GTPBP1: variants seen among roughly 807,000 people sequenced by gnomAD.
GTPBP1 encodes GTP binding protein 1, also known as GTP-binding protein 1.
GTPBP1 carries 23 observed loss-of-function variants against 62.0 expected under a neutral mutation model. The ratio of observed to expected loss-of-function variants is 0.37; its 90% confidence interval spans 0.27 to 0.53. The LOEUF is 0.53. Ranked by LOEUF, GTPBP1 falls within the 20% of genes least tolerant of loss-of-function variation. GTPBP1 has a pLI of 0.89. For synonymous variants in GTPBP1, 344 were observed against 364.4 expected, an observed-to-expected ratio of 0.94 and a Z score of 0.64; for missense variants, 640 against 917.3, an observed-to-expected ratio of 0.70 and a Z score of 3.90.
chr22:38,732,017 G>A lies in GTPBP1; in HGVS notation c.*1313G>A, dbSNP rs756343964. 2.0e-5 allele frequency: 3 copies of A among 152,738 alleles called. No individual in the cohort carries two copies. The highest frequency in any genetic ancestry group is 4.4e-5 in the Non-Finnish European group (3 of 68,424). The allele number at this position is 152,738 out of a possible 1,614,324, so 9.5% of individuals were successfully genotyped here. On this transcript the variant is annotated 3_prime_UTR_variant, in exon 12 of 12. Coordinates refer to ENST00000216044, the MANE Select transcript of GTPBP1 (RefSeq NM_004286.5). ...GCACTGAAGCCACAGATGGAGGGTAGGCTGGTGGGTGGGGGTGGTTCGTTC... is the reference window on the plus strand; with the variant it reads ...GCACTGAAGCCACAGATGGAGGGTAAGCTGGTGGGTGGGGGTGGTTCGTTC...
chr22:38,712,557 T>C (rs2092645938), intron 2 of GTPBP1, among the ~76,000 whole-genome samples: 1 of 152,130 alleles, frequency 6.6e-6, no homozygotes, highest in African/African-American at 2.4e-5. Context: ...GCCGGCAGGA[T>C]GGAAATCTGA....
chr22:38,727,445 T>G lies in GTPBP1; in HGVS notation c.1537+97T>G, dbSNP rs1014936737. The G allele has an allele frequency of 3.3e-6, 4 of 1,208,900 alleles. No homozygotes were observed. Among genetic ancestry groups the G allele is most frequent in the South Asian group, 1.6e-5 (1 of 61,750 alleles). The allele number at this position is 1,208,900 out of a possible 1,614,324, so 74.9% of individuals were successfully genotyped here. On this transcript the variant is annotated intron_variant, in intron 9 of 11. Transcript: ENST00000216044. This position sits in a 1 kb window ranked among gnomAD's most constrained non-coding sequence, Gnocchi z 6.5. Reference sequence around the variant, plus strand: ...CAGGCCCCCTAGTTCCAGCTGCAGCTGGGTGGTAGGCCTCCTTCCTGTTTA... The same window carrying G: ...CAGGCCCCCTAGTTCCAGCTGCAGCGGGGTGGTAGGCCTCCTTCCTGTTTA...
intron 2 of GTPBP1, among the ~76,000 whole-genome samples, chr22:38,709,790 G>A (rs1273170689): frequency 6.6e-6 from 1 of 152,184 alleles, no homozygotes; most frequent in Non-Finnish European, 1.5e-5. Context: ...GATAACAGAG[G>A]TCGTCCTCTC....
chr22:38,737,776 G>A (rs2092819000), downstream of GTPBP1: 7 of 396,158 alleles, frequency 1.8e-5, no homozygotes, highest in Admixed American at 1.5e-4. The surrounding 1 kb of genome is among the most constrained non-coding windows in gnomAD (Gnocchi z 4.1). Flanking sequence ...TTAGGAGATC[G>A]GATGCCCACT....
intron 10 of GTPBP1, chr22:38,728,394 C>A: frequency 1.9e-6 from 1 of 515,876 alleles, no homozygotes. Flanking sequence ...GATCTTCCTC[C>A]ATAGAAAACT....
chr22:38,726,117 T>C lies in GTPBP1; in HGVS notation c.1185T>C (p.Ala395=), dbSNP rs2092725408. ...PRTSYREEEP[A]EFQIDDTYSV... is the part of the protein sequence containing the mutation. ...CCAGCTACAGGGAGGAGGAGCCTGC[T>C]GAGTTTCAGATTGATGACACCTACT... is the stretch of plus-strand genomic sequence containing the variant. Residue 395 remains alanine (A), a synonymous_variant, in exon 7 of 12, where the codon GCT becomes GCC. Coordinates refer to ENST00000216044, the MANE Select transcript of GTPBP1 (RefSeq NM_004286.5). This position sits in a 1 kb window ranked among gnomAD's most constrained non-coding sequence, Gnocchi z 4.1. The C allele has an allele frequency of 6.2e-7, 1 of 1,613,986 alleles. No individual in the cohort carries two copies.
At chr22:38,740,982 GA>G (rs908155672), downstream of GTPBP1, 2 of 1,580,660 alleles carry the variant, frequency 1.3e-6, no homozygotes, top group Admixed American at 1.8e-5. This position sits in a 1 kb window ranked among gnomAD's most constrained non-coding sequence, Gnocchi z 4.8. Context: ...GGAGCAGGCC[GA>G]GGCCAGCTGG....
rs941855577 is a variant in GTPBP1, at chr22:38,730,819, G to A, written c.*115G>A. 17 of 605,600 alleles carry A rather than the reference G, an allele frequency of 2.8e-5. No homozygotes were observed. The highest frequency in any genetic ancestry group is 4.8e-5 in the Non-Finnish European group (17 of 353,694). The allele number at this position is 605,600 out of a possible 1,614,324, so 37.5% of individuals were successfully genotyped here. A position where few individuals can be genotyped will look rare whatever the true frequency, so the allele number is the denominator to read the frequency against. On this transcript the variant is annotated 3_prime_UTR_variant, in exon 12 of 12. Coordinates refer to ENST00000216044, the MANE Select transcript of GTPBP1 (RefSeq NM_004286.5). This position sits in a 1 kb window ranked among gnomAD's most constrained non-coding sequence, Gnocchi z 5.6. ...CAGCCCTCCCGCTCAGGCCACAGCC[G>A]GAGCCTCCGCATTGCCCCCACCCCC...
chr22:38,709,649 C>T (rs924208499), intron 2 of GTPBP1, among the ~76,000 whole-genome samples: 5 of 152,114 alleles, frequency 3.3e-5, no homozygotes, highest in African/African-American at 1.2e-4. Flanking sequence ...GATCCCATTG[C>T]GACTTATTTT....
At chr22:38,738,264 C>A (rs1332354011), downstream of GTPBP1, 3 of 1,613,380 alleles carry the variant, frequency 1.9e-6, no homozygotes, top group Non-Finnish European at 2.5e-6. The surrounding 1 kb of genome is among the most constrained non-coding windows in gnomAD (Gnocchi z 6.6). Context: ...TTCGTCAAAC[C>A]CCTGCAAAGA....
downstream of GTPBP1, among the ~76,000 whole-genome samples, chr22:38,737,483 A>C (rs1467191968): frequency 6.6e-6 from 1 of 152,082 alleles, no homozygotes; most frequent in East Asian, 1.9e-4. This position sits in a 1 kb window ranked among gnomAD's most constrained non-coding sequence, Gnocchi z 4.1. Context: ...TTCGAGTCAT[A>C]TAGTGATGTT....
Position 38,732,319 on chromosome 22 carries a change from C to T in GTPBP1, c.*1615C>T, listed in dbSNP as rs1286777177. 6.6e-6 allele frequency: 1 copy of T among 152,582 alleles called. No homozygotes were observed. Among genetic ancestry groups the T allele is most frequent in the Non-Finnish European group, 1.5e-5 (1 of 68,030 alleles). 9.5% of individuals were successfully genotyped at this position (152,582 alleles called of 1,614,324 possible). A position where few individuals can be genotyped will look rare whatever the true frequency, so the allele number is the denominator to read the frequency against. On this transcript the variant is annotated 3_prime_UTR_variant, in exon 12 of 12. Transcript: ENST00000216044. Reference sequence around the variant, plus strand: ...GCAGTTGCTCTGCCTGCCCTGGGGCCCCTGGCGACAGCTGGGAGCAGGGCA... The same window carrying T: ...GCAGTTGCTCTGCCTGCCCTGGGGCTCCTGGCGACAGCTGGGAGCAGGGCA...
intron 1 of GTPBP1, chr22:38,706,685 C>G (rs1346960127): frequency 6.6e-6 from 1 of 152,380 alleles, no homozygotes; most frequent in Non-Finnish European, 1.5e-5. Flanking sequence ...AGAAAGTAGT[C>G]GCTCAGCTGG....
chr22:38,709,153 G>C (rs5757255), intron 2 of GTPBP1, among the ~76,000 whole-genome samples, 197 bp downstream of exon 2: 1 of 152,094 alleles, frequency 6.6e-6, no homozygotes, highest in South Asian at 2.1e-4. Context: ...GCGCTAATTA[G>C]TGGTGGCAGG....
chr22:38,734,988 C>T, downstream of GTPBP1: 2 of 294,960 alleles, frequency 6.8e-6, no homozygotes, highest in Non-Finnish European at 1.3e-5. Context: ...ACAGCCGGAA[C>T]CAGTGCCCCA....
downstream of GTPBP1, chr22:38,735,361 C>T (rs552959087): frequency 3.3e-5 from 13 of 397,136 alleles, no homozygotes; most frequent in African/African-American, 1.3e-4. Context: ...ATACCCTGAA[C>T]GTCCCCACAA....
chr22:38,730,542 T>G lies in GTPBP1; in HGVS notation c.1918-70T>G. The G allele has an allele frequency of 9.4e-7, 1 of 1,064,184 alleles. No individual in the cohort carries two copies. The highest frequency in any genetic ancestry group is 1.3e-5 in the South Asian group (1 of 79,204). The allele number at this position is 1,064,184 out of a possible 1,614,324, so 65.9% of individuals were successfully genotyped here. On this transcript the variant is annotated intron_variant, in intron 11 of 11. Transcript: ENST00000216044. This position sits in a 1 kb window ranked among gnomAD's most constrained non-coding sequence, Gnocchi z 5.6. ...TCTTCCGTCCCTGTCTCCCCGCTGC[T>G]CAGCACCTCTGCTCTCTGGCCCTGC...
intron 5 of GTPBP1, among the ~76,000 whole-genome samples, chr22:38,722,177 G>T (rs1453671751): frequency 6.6e-6 from 1 of 152,154 alleles, no homozygotes; most frequent in South Asian, 2.1e-4. Context: ...AAAATGACTA[G>T]GTAAACTATA....
chr22:38,710,620 A>C (rs2092632699), intron 2 of GTPBP1, among the ~76,000 whole-genome samples: 1 of 143,100 alleles, frequency 7.0e-6, no homozygotes, highest in African/African-American at 2.7e-5. Context: ...TGCCAGGTTC[A>C]AAAAAAAAAC....
Sources: gnomAD v4.1 joint callset for allele counts (sites outside exome capture counted in the v4.1 genomes callset) on GRCh38, gnomAD v4.1.1 for gene constraint, Gnocchi (gnomAD v3.1) non-coding constraint, MANE v1.5 for transcripts, NCBI Gene and HGNC (gene_info 2026-07-23, HGNC 2026-07-21) for gene names.